Variants in CSMD1 observed in about 807,000 individuals in gnomAD.
The protein encoded by CSMD1 is CUB and sushi domain-containing protein 1.
Under a neutral mutation model 417.5 loss-of-function variants are expected in CSMD1, and 213 were observed. The ratio of observed to expected loss-of-function variants is 0.51; its 90% confidence interval spans 0.46 to 0.57. The LOEUF (loss-of-function observed/expected upper bound fraction) is 0.57. CSMD1 is among the 20% of genes least tolerant of loss of function. The pLI is 0.00. For missense variants in CSMD1, 6,923 were observed against 4,529.7 expected (o/e 1.53, Z -15.17); for synonymous variants, 2,862 against 1,736.8 (o/e 1.65, Z -16.11).
At chr8:3,355,237 G>A (rs1808704049) in intron 21 of CSMD1, among the ~76,000 whole-genome samples, 1 of 151,574 alleles carries the variant, frequency 6.6e-6, no homozygotes, top group African/African-American at 2.4e-5. Context: ...TAAGGCTTAT[G>A]CTGATGTATA....
chr8:3,459,910 G>C (rs1816393347), intron 12 of CSMD1, among the ~76,000 whole-genome samples: 1 of 152,122 alleles, frequency 6.6e-6, no homozygotes, highest in Non-Finnish European at 1.5e-5. Flanking sequence ...TATTGATAAG[G>C]GTTAAATGGC....
At chr8:4,785,069 G>A (rs1221133199) in intron 1 of CSMD1, among the ~76,000 whole-genome samples, 1 of 152,148 alleles carries the variant, frequency 6.6e-6, no homozygotes. Context: ...ATAACTATCA[G>A]GCAAGAAGGA....
chr8:3,971,826 G>T (rs1813110322), intron 5 of CSMD1, among the ~76,000 whole-genome samples: 1 of 152,158 alleles, frequency 6.6e-6, no homozygotes. Context: ...TCTGTTGCAT[G>T]AATTATTTGA....
chr8:3,932,864 T>C (rs1010551986), intron 5 of CSMD1, among the ~76,000 whole-genome samples: 8 of 150,500 alleles, frequency 5.3e-5, no homozygotes, highest in Non-Finnish European at 1.2e-4. Flanking sequence ...CACTATTGTG[T>C]AAAGTTAAAT....
intron 10 of CSMD1, among the ~76,000 whole-genome samples, chr8:3,567,117 C>G (rs1288854518): frequency 6.6e-6 from 1 of 152,144 alleles, no homozygotes; most frequent in Non-Finnish European, 1.5e-5. Flanking sequence ...GAGATTTTGT[C>G]CTTTGCAGGG....
intron 10 of CSMD1, among the ~76,000 whole-genome samples, chr8:3,529,566 T>TG (rs35233137): frequency 2.0e-5 from 3 of 152,186 alleles, no homozygotes; most frequent in South Asian, 2.1e-4. Context: ...GACCACACAA[T>TG]GGAAGAGTAG....
intron 3 of CSMD1, among the ~76,000 whole-genome samples, chr8:4,218,867 T>A (rs1005748058): frequency 9.2e-5 from 14 of 152,214 alleles, no homozygotes; most frequent in African/African-American, 3.4e-4. Context: ...AGACATCACC[T>A]CCTATTTTCA....
chr8:3,133,627 G>A (rs1437039528), intron 41 of CSMD1, among the ~76,000 whole-genome samples: 9 of 152,284 alleles, frequency 5.9e-5, no homozygotes, highest in African/African-American at 2.2e-4. Flanking sequence ...AGGAGGGGCG[G>A]GCATAGAGCT....
chr8:4,028,877 A>G (rs138225087), intron 4 of CSMD1, among the ~76,000 whole-genome samples: 1 of 152,212 alleles, frequency 6.6e-6, no homozygotes, highest in South Asian at 2.1e-4. Flanking sequence ...TTTTCTTAGG[A>G]AAGTCAAAAC....
intron 7 of CSMD1, among the ~76,000 whole-genome samples, chr8:3,653,995 A>G (rs563248171): frequency 6.6e-6 from 1 of 152,308 alleles, no homozygotes; most frequent in East Asian, 1.9e-4. Flanking sequence ...TTGAACTTGG[A>G]TCATTGATGT....
chr8:4,157,863 G>A (rs969441306), intron 3 of CSMD1, among the ~76,000 whole-genome samples: 1 of 152,100 alleles, frequency 6.6e-6, no homozygotes, highest in African/African-American at 2.4e-5. Flanking sequence ...GCTGAAGTTG[G>A]GCTTGGTCCT....
intron 7 of CSMD1, among the ~76,000 whole-genome samples, chr8:3,667,637 G>T (rs550611846): frequency 2.6e-5 from 4 of 152,246 alleles, no homozygotes; most frequent in African/African-American, 9.6e-5. Context: ...TATTTGGGTT[G>T]CTCTGGAAAC....
intron 18 of CSMD1, among the ~76,000 whole-genome samples, chr8:3,371,106 C>G (rs544926342): frequency 2.6e-4 from 39 of 152,346 alleles, no homozygotes; most frequent in Middle Eastern, 3.4e-3. Flanking sequence ...TTCAGCTCCC[C>G]TGGTTCCCAG....
intron 3 of CSMD1, among the ~76,000 whole-genome samples, chr8:4,138,198 G>C (rs537243242): frequency 1.5e-5 from 2 of 131,708 alleles, no homozygotes; most frequent in Admixed American, 8.7e-5. Context: ...TACAGGCGCA[G>C]CCTTACATTT....
rs116471151 is a variant in CSMD1 at position 4,101,987 on chromosome 8, A to G, written c.416-69888T>C. 5.2e-3 allele frequency among the ~76,000 whole-genome samples: 792 copies of G among 152,258 alleles called. 6 individuals carry two copies. The highest frequency in any genetic ancestry group is 0.018 in the African/African-American group (757 of 41,544). The stretch of plus-strand genomic sequence containing the variant: ...ACTCTTGAATCCCATGGTGTTGGGG[A>G]CTGGGGACCCGGCAATAGCTGAGGG... On this transcript the variant is annotated intron_variant, in intron 3 of 69. Transcript: ENST00000635120.
At chr8:3,659,554 G>C (rs1278253268) in intron 7 of CSMD1, among the ~76,000 whole-genome samples, 1 of 151,900 alleles carries the variant, frequency 6.6e-6, no homozygotes, top group African/African-American at 2.4e-5. Flanking sequence ...TCTTTTTTTC[G>C]GGGGGTTATC....
intron 4 of CSMD1, among the ~76,000 whole-genome samples, chr8:4,010,519 C>T (rs1353171915): frequency 1.3e-5 from 2 of 152,130 alleles, no homozygotes; most frequent in Non-Finnish European, 2.9e-5. Context: ...GCCATGCCAT[C>T]ACCATTCCCA....
At chr8:4,725,351 G>C (rs797011747) in intron 1 of CSMD1, among the ~76,000 whole-genome samples, 8 of 152,190 alleles carry the variant, frequency 5.3e-5, no homozygotes, top group African/African-American at 1.7e-4. Context: ...GAAAGTCCTA[G>C]CAAAATTAAT....
intron 2 of CSMD1, among the ~76,000 whole-genome samples, chr8:4,439,457 A>G (rs1414103301): frequency 6.6e-6 from 1 of 152,108 alleles, no homozygotes; most frequent in African/African-American, 2.4e-5. Flanking sequence ...TTTTCCTAAC[A>G]TTCTTATGTT....
Sources: allele counts gnomAD v4.1 joint callset (sites outside exome capture counted in the v4.1 genomes callset), GRCh38; gene constraint gnomAD v4.1.1; transcripts MANE v1.5; gene names NCBI Gene and HGNC (gene_info 2026-07-23, HGNC 2026-07-21).